The following GABRG3 variants were observed in gnomAD, a reference collection of about 807,000 sequenced individuals.
GABRG3 encodes the protein gamma-aminobutyric acid type A receptor subunit gamma3, also known as gamma-aminobutyric acid receptor subunit gamma-3.
GABRG3 carries 25 observed loss-of-function variants against 48.8 expected under a neutral mutation model. The ratio of observed to expected loss-of-function variants is 0.51; its 90% CI spans 0.37 to 0.72. The LOEUF (loss-of-function observed/expected upper bound fraction) is 0.72. GABRG3 is among the 30% of genes least tolerant of loss of function. The pLI is 0.00. For synonymous variants in GABRG3, 227 were observed against 217.6 expected, an observed-to-expected ratio of 1.04 and a Z score of -0.38; for missense variants, 394 against 577.9, an observed-to-expected ratio of 0.68 and a Z score of 3.26.
At chr15:27,446,386 C>G (rs748347998) in intron 5 of GABRG3, among the ~76,000 whole-genome samples, 1 of 152,050 alleles carries the variant, frequency 6.6e-6, no homozygotes, top group Admixed American at 6.6e-5. Context: ...AACACCAGAC[C>G]GACCCCTGAA....
At chr15:27,058,396 T>C (rs1305533559) in intron 3 of GABRG3, among the ~76,000 whole-genome samples, 2 of 152,134 alleles carry the variant, frequency 1.3e-5, no homozygotes, top group Admixed American at 6.5e-5. Context: ...TGCTTTTCAT[T>C]GTAAGTTTTG....
intron 5 of GABRG3, among the ~76,000 whole-genome samples, chr15:27,390,453 T>C (rs1326939261): frequency 6.6e-6 from 1 of 152,208 alleles, no homozygotes; most frequent in Non-Finnish European, 1.5e-5. Flanking sequence ...ACACAAGAAC[T>C]TATCAGAATA....
At position 27,179,043 on chromosome 15, in the gene GABRG3, C is replaced by T. The variant is rs1887837746; in HGVS notation, c.271-147766C>T. Among the ~76,000 whole-genome samples the T allele has an allele frequency of 6.6e-6, 1 of 152,126 alleles. No individual in the cohort carries two copies. Among genetic ancestry groups the T allele is most frequent in the African/African-American group, 2.4e-5 (1 of 41,410 alleles). ...GAGGAGAATGGGACTGAGAGGAGAG[C>T]AGGAGAAGGTCAGAGGAAAACTTTT... On this transcript the variant is annotated intron_variant, in intron 3 of 9. Transcript: ENST00000615808. This position sits in a 1 kb window ranked among gnomAD's most constrained non-coding sequence, Gnocchi z 4.0.
chr15:27,030,176 T>C (rs551307453), intron 3 of GABRG3, among the ~76,000 whole-genome samples: 8 of 152,264 alleles, frequency 5.3e-5, no homozygotes, highest in African/African-American at 1.9e-4. Flanking sequence ...GATGTAAATT[T>C]GTATTGGGGG....
chr15:27,102,416 G>A (rs1897377582), intron 3 of GABRG3, among the ~76,000 whole-genome samples: 1 of 152,132 alleles, frequency 6.6e-6, no homozygotes, highest in Admixed American at 6.5e-5. Context: ...TATGAGAGGT[G>A]TTCAGATAAA....
chr15:27,248,385 G>C (rs183292518), intron 3 of GABRG3, among the ~76,000 whole-genome samples: 1 of 152,132 alleles, frequency 6.6e-6, no homozygotes, highest in Non-Finnish European at 1.5e-5. Context: ...CCACAGGGCT[G>C]TCTGCCTCTG....
At chr15:27,468,022 C>T (rs1889669380) in intron 5 of GABRG3, among the ~76,000 whole-genome samples, 2 of 152,210 alleles carry the variant, frequency 1.3e-5, no homozygotes, top group South Asian at 4.1e-4. Flanking sequence ...AGTGTACACA[C>T]TGTCCACCCA....
intron 2 of GABRG3, among the ~76,000 whole-genome samples, chr15:26,997,945 T>C (rs937599677): frequency 6.6e-5 from 10 of 152,230 alleles, no homozygotes; most frequent in African/African-American, 2.4e-4. Context: ...GGGTAACTTA[T>C]TGTTCATCCA....
chr15:27,443,599 T>C (rs1888854876), intron 5 of GABRG3, among the ~76,000 whole-genome samples: 1 of 152,224 alleles, frequency 6.6e-6, no homozygotes, highest in Non-Finnish European at 1.5e-5. Flanking sequence ...TACAGGATTA[T>C]GTTTTGCTTC....
intron 7 of GABRG3, among the ~76,000 whole-genome samples, chr15:27,520,603 A>C (rs1891135176): frequency 3.2e-5 from 2 of 62,544 alleles, no homozygotes; most frequent in Admixed American, 3.6e-4. Flanking sequence ...CACACACTAA[A>C]ACTCAGTCTT....
intron 3 of GABRG3, among the ~76,000 whole-genome samples, chr15:27,231,097 A>G (rs1889783666): frequency 6.6e-6 from 1 of 151,910 alleles, no homozygotes; most frequent in Admixed American, 6.6e-5. Context: ...AAAAATTTTA[A>G]AAACACTTAT....
chr15:27,376,318 G>A (rs916019715), intron 5 of GABRG3, among the ~76,000 whole-genome samples: 10 of 152,160 alleles, frequency 6.6e-5, no homozygotes, highest in African/African-American at 2.4e-4. Flanking sequence ...CCTGGTGCAC[G>A]ATGCAAACCA....
At position 27,236,914 on chromosome 15, in the gene GABRG3, C is replaced by T. The variant is rs897176799; in HGVS notation, c.271-89895C>T. 6.6e-6 allele frequency among the ~76,000 whole-genome samples: 1 copy of T among 152,170 alleles called. No homozygotes were observed. The highest frequency in any genetic ancestry group is 2.4e-5 in the African/African-American group (1 of 41,434). ...CCCCACTCAGCAGACATTCCTGCTCCCTTTACCCCTCCCTTGGAGGACTTG... is the reference window on the plus strand; with the variant it reads ...CCCCACTCAGCAGACATTCCTGCTCTCTTTACCCCTCCCTTGGAGGACTTG... On this transcript the variant is annotated intron_variant, in intron 3 of 9. Coordinates refer to ENST00000615808, the MANE Select transcript of GABRG3 (RefSeq NM_033223.5). The surrounding 1 kb of genome is among the most constrained non-coding windows in gnomAD (Gnocchi z 4.4).
At chr15:27,314,781 C>G (rs1453207026) in intron 3 of GABRG3, among the ~76,000 whole-genome samples, 2 of 152,120 alleles carry the variant, frequency 1.3e-5, no homozygotes, top group African/African-American at 4.8e-5. Flanking sequence ...AGAACATCTT[C>G]TAAATGAAAT....
chr15:27,469,370 T>A (rs1045227768), intron 5 of GABRG3, among the ~76,000 whole-genome samples: 2 of 152,204 alleles, frequency 1.3e-5, no homozygotes, highest in African/African-American at 4.8e-5. Context: ...AGATGGAGTC[T>A]TGCTCTGTCG....
intron 6 of GABRG3, among the ~76,000 whole-genome samples, chr15:27,495,430 T>C (rs2150851344): frequency 6.6e-6 from 1 of 152,346 alleles, no homozygotes; most frequent in Non-Finnish European, 1.5e-5. Context: ...GTTGTGAACA[T>C]GGGTATGCAA....
intron 2 of GABRG3, among the ~76,000 whole-genome samples, chr15:27,006,958 C>A (rs1895597796): frequency 6.6e-6 from 1 of 152,012 alleles, no homozygotes; most frequent in African/African-American, 2.4e-5. Context: ...CCCAGCTCAG[C>A]CTCCTGAGTT....
At chr15:27,088,266 C>T (rs1434063516) in intron 3 of GABRG3, among the ~76,000 whole-genome samples, 1 of 131,594 alleles carries the variant, frequency 7.6e-6, no homozygotes, top group East Asian at 2.5e-4. Flanking sequence ...CGGGGGCGGG[C>T]GCGGGGGCGG....
chr15:26,981,014 A>G (rs1429749805), intron 2 of GABRG3, among the ~76,000 whole-genome samples: 1 of 152,136 alleles, frequency 6.6e-6, no homozygotes, highest in Non-Finnish European at 1.5e-5. Context: ...CTGTACAACA[A>G]ATTTCCATGA....
Sources: allele counts gnomAD v4.1 joint callset (sites outside exome capture counted in the v4.1 genomes callset), GRCh38; gene constraint gnomAD v4.1.1; non-coding constraint Gnocchi (gnomAD v3.1); transcripts MANE v1.5; gene names NCBI Gene and HGNC (gene_info 2026-07-23, HGNC 2026-07-21).